CELSR2: variants seen among roughly 807,000 people sequenced by gnomAD.
CELSR2 encodes the protein EGF-like protein 2.
A neutral mutation model predicts 251.6 loss-of-function variants in CELSR2; 81 were observed. That is an observed-to-expected ratio of 0.32 (90% confidence interval 0.27 to 0.39). The LOEUF is 0.39. CELSR2 is among the 10% of genes least tolerant of loss of function. CELSR2 has a pLI of 1.00. For missense variants in CELSR2, 3,365 were observed against 3,947.7 expected (o/e 0.85, Z 3.96); for synonymous variants, 1,721 against 1,670.5 (o/e 1.03, Z -0.74).
rs760071746 is a variant in CELSR2, at chr1:109,269,574, C to T, written c.6963C>T (p.Phe2321=). Reference sequence around the variant, plus strand: ...AGCGGACCAAGCCCATCTGTGTCTTCTGGAACCATTCAATCCTGTGAGCCT... The same window carrying T: ...AGCGGACCAAGCCCATCTGTGTCTTTTGGAACCATTCAATCCTGTGAGCCT... ...TEERTKPICV[F]WNHSILVSGT... The change falls in exon 21 of 34, where the codon TTC becomes TTT. Residue 2321 remains phenylalanine, a synonymous_variant. Coordinates refer to ENST00000271332, the MANE Select transcript of CELSR2 (RefSeq NM_001408.3). This position sits in a 1 kb window ranked among gnomAD's most constrained non-coding sequence, Gnocchi z 6.4. 2 of 1,614,144 alleles carry T rather than the reference C, an allele frequency of 1.2e-6. No individual in the cohort carries two copies. Among genetic ancestry groups the T allele is most frequent in the African/African-American group, 1.3e-5 (1 of 75,068 alleles).
rs200571443 is a variant in CELSR2 at position 109,272,900 on chromosome 1, C to T, written c.8211C>T (p.Thr2737=). The T allele has an allele frequency of 1.2e-4, 189 of 1,613,986 alleles. No homozygotes were observed. The highest frequency in any genetic ancestry group is 1.5e-4 in the Non-Finnish European group (179 of 1,179,980). ...ACCAGAGTGGCTCCTATGCCTCTACCCACTCATCAGACAGTGAGGAGGAAG... is the reference window on the plus strand; with the variant it reads ...ACCAGAGTGGCTCCTATGCCTCTACTCACTCATCAGACAGTGAGGAGGAAG... ...EDDQSGSYAS[T]HSSDSEEEEE... is the part of the protein sequence containing the mutation. The change falls in exon 31 of 34, where the codon ACC becomes ACT. Residue 2737 remains threonine (T), a synonymous_variant. Transcript: ENST00000271332.
Position 109,273,352 on chromosome 1 carries a change from C to G in CELSR2, c.8509+16C>G. The G allele has an allele frequency of 6.2e-7, 1 of 1,601,894 alleles. No individual in the cohort carries two copies. ...CCTCACAAAGGTGAGTGGGGCACCCCCAGCTGCCGAGCTCCCCTAGTCAGC... is the reference window on the plus strand; with the variant it reads ...CCTCACAAAGGTGAGTGGGGCACCCGCAGCTGCCGAGCTCCCCTAGTCAGC... On this transcript the variant is annotated intron_variant, in intron 32 of 33. Coordinates refer to ENST00000271332, the MANE Select transcript of CELSR2 (RefSeq NM_001408.3).
Position 109,270,975 on chromosome 1 carries a change from G to A in CELSR2, c.7532G>A (p.Cys2511Tyr). 3 of 1,613,992 alleles carry A rather than the reference G, an allele frequency of 1.9e-6. No homozygotes were observed. Among genetic ancestry groups the A allele is most frequent in the Non-Finnish European group, 2.5e-6 (3 of 1,179,998 alleles). ...DPEGYGNPDFCWLSIYDTLIW... is the reference protein window; with the variant it reads ...DPEGYGNPDFYWLSIYDTLIW... ...GAGGGCTACGGGAACCCTGACTTCT[G>A]CTGGCTCTCCATCTATGACACGCTC... Residue 2511 changes from cysteine (C) to tyrosine (Y), a missense_variant, in exon 25 of 34, where the codon TGC becomes TAC. Cys to Tyr is a radical substitution (Grantham distance 194, BLOSUM62 -2). Coordinates refer to ENST00000271332, the MANE Select transcript of CELSR2 (RefSeq NM_001408.3).
At chr1:109,259,307 G>C (rs1327133438) in intron 2 of CELSR2, among the ~76,000 whole-genome samples, 1 of 152,252 alleles carries the variant, frequency 6.6e-6, no homozygotes, top group Non-Finnish European at 1.5e-5. Context: ...GTGCCATTGT[G>C]GGCAGAGCTG....
At position 109,270,509 on chromosome 1, in the gene CELSR2, G is replaced by A. The variant is rs1289188258; in HGVS notation, c.7392G>A (p.Leu2464=). 1.2e-6 allele frequency: 2 copies of A among 1,614,190 alleles called. No individual in the cohort carries two copies. Residue 2464 remains leucine, a synonymous_variant, in exon 24 of 34, where the codon CTG becomes CTA. Transcript: ENST00000271332. ...FSWALLEALH[L]YRALTEVRDV... ...GGGCTCTGCTGGAGGCCTTGCACCTGTACCGGGCACTCACTGAGGTGCGCG... is the reference window on the plus strand; with the variant it reads ...GGGCTCTGCTGGAGGCCTTGCACCTATACCGGGCACTCACTGAGGTGCGCG...
chr1:109,271,315 TGCCTGG>T lies in CELSR2; in HGVS notation c.7676+23_7676+28del. On this transcript the variant is annotated intron_variant, in intron 26 of 33. Coordinates refer to ENST00000271332, the MANE Select transcript of CELSR2 (RefSeq NM_001408.3). ...GTCCTGTGTGAGTATAGGGTTGGGG[TGCCTGG>T]GCCATGGGCAGGCACCAGCATGGGA... 6.2e-7 allele frequency: 1 copy of T among 1,613,496 alleles called. No individual in the cohort carries two copies. Among genetic ancestry groups the T allele is most frequent in the Non-Finnish European group, 8.5e-7 (1 of 1,179,900 alleles).
At position 109,253,072 on chromosome 1, in the gene CELSR2, C is replaced by T. The variant is rs1239138722; in HGVS notation, c.2993C>T (p.Ala998Val). Reference sequence around the variant, plus strand: ...CCTGAGTACGTCCTGGTCATCCAGGCCACGTCAGCTCCTCTGGTGAGCCGG... The same window carrying T: ...CCTGAGTACGTCCTGGTCATCCAGGTCACGTCAGCTCCTCTGGTGAGCCGG... ...DRPEYVLVIQATSAPLVSRAT... is the reference protein window; with the variant it reads ...DRPEYVLVIQVTSAPLVSRAT... The change falls in exon 1 of 34, where the codon GCC becomes GTC. Residue 998 changes from alanine to valine, a missense_variant. This residue lies in a region of CELSR2 where 505 missense variants were observed against 660.0 expected (regional missense o/e 0.77). Transcript: ENST00000271332. 2 of 1,613,582 alleles carry T rather than the reference C, an allele frequency of 1.2e-6. No individual in the cohort carries two copies.
Position 109,252,389 on chromosome 1 carries a change from G to A in CELSR2, c.2310G>A (p.Gln770=), listed in dbSNP as rs1478724297. The A allele has an allele frequency of 3.1e-6, 5 of 1,613,048 alleles. No individual in the cohort carries two copies. The highest frequency in any genetic ancestry group is 1.7e-5 in the Admixed American group (1 of 60,004). The part of the protein sequence containing the change: ...IDADTGAVTT[Q]AELDYEDQVS... ...CAGACACGGGGGCTGTCACCACCCAGGCTGAGCTGGACTATGAAGACCAAG... is the reference window on the plus strand; with the variant it reads ...CAGACACGGGGGCTGTCACCACCCAAGCTGAGCTGGACTATGAAGACCAAG... The change falls in exon 1 of 34, where the codon CAG becomes CAA. Residue 770 remains glutamine, a synonymous_variant. Coordinates refer to ENST00000271332, the MANE Select transcript of CELSR2 (RefSeq NM_001408.3). The surrounding 1 kb of genome is among the most constrained non-coding windows in gnomAD (Gnocchi z 4.8).
At position 109,269,192 on chromosome 1, in the gene CELSR2, G is replaced by A. The variant is rs749861436; in HGVS notation, c.6714G>A (p.Pro2238=). Reference sequence around the variant, plus strand: ...TGGCACGGCGACAGCGACGGCACCCGGAGCTGAGCCAGGGTGAGGCTGTGG... The same window carrying A: ...TGGCACGGCGACAGCGACGGCACCCAGAGCTGAGCCAGGGTGAGGCTGTGG... ...EELARRQRRH[P]ELSQGEAVAS... The change falls in exon 20 of 34, where the codon CCG becomes CCA. Residue 2238 remains proline, a synonymous_variant. Transcript: ENST00000271332. The surrounding 1 kb of genome is among the most constrained non-coding windows in gnomAD (Gnocchi z 6.4). 2.1e-5 allele frequency: 34 copies of A among 1,612,608 alleles called. No homozygotes were observed. The highest frequency in any genetic ancestry group is 1.6e-4 in the South Asian group (15 of 91,068).
Position 109,251,618 on chromosome 1 carries a change from T to C in CELSR2, c.1539T>C (p.Thr513=), listed in dbSNP as rs778792462. The C allele has an allele frequency of 6.2e-7, 1 of 1,613,766 alleles. No homozygotes were observed. Among genetic ancestry groups the C allele is most frequent in the South Asian group, 1.1e-5 (1 of 91,070 alleles). ...PIFVSTPFQA[T]VLESVPLGYL... ...TCGTCAGCACCCCTTTCCAGGCTAC[T>C]GTCCTGGAGAGTGTCCCCTTAGGCT... is the stretch of plus-strand genomic sequence containing the variant. The change falls in exon 1 of 34, where the codon ACT becomes ACC. Residue 513 remains threonine, a synonymous_variant. Transcript: ENST00000271332. The surrounding 1 kb of genome is among the most constrained non-coding windows in gnomAD (Gnocchi z 4.9).
In CELSR2 at chr1:109,250,145, G is replaced by C; in HGVS notation, c.66G>C (p.Leu22=). The change falls in exon 1 of 34, where the codon CTG becomes CTC. Residue 22 remains leucine, a synonymous_variant. Coordinates refer to ENST00000271332, the MANE Select transcript of CELSR2 (RefSeq NM_001408.3). The surrounding 1 kb of genome is among the most constrained non-coding windows in gnomAD (Gnocchi z 4.4). ...TPPPPLLLLL[L]LLLPPPLLGD... Reference sequence around the variant, plus strand: ...CGCCGCCGCTGCTGCTGCTGTTGCTGCTGCTGCTGCCGCCGCCACTATTGG... The same window carrying C: ...CGCCGCCGCTGCTGCTGCTGTTGCTCCTGCTGCTGCCGCCGCCACTATTGG... The C allele has an allele frequency of 6.3e-7, 1 of 1,597,320 alleles. No homozygotes were observed. The highest frequency in any genetic ancestry group is 8.5e-7 in the Non-Finnish European group (1 of 1,174,490).
Position 109,258,708 on chromosome 1 carries a change from G to A in CELSR2, c.3587G>A (p.Gly1196Glu), listed in dbSNP as rs1195589533. ...GGCCAGCCGCCAGGGCCCGGGGGCG[G>A]GCCGCCCTTCCTGCCCTCTGAGGAC... ...SVGQPPGPGG[G>E]PPFLPSEDLQ... Residue 1196 changes from glycine to glutamate, a missense_variant, in exon 2 of 34, where the codon GGG (glycine) becomes GAG (glutamate). Gly to Glu is a moderately conservative substitution (Grantham distance 98). Transcript: ENST00000271332. 4 of 1,551,972 alleles carry A rather than the reference G, an allele frequency of 2.6e-6. No individual in the cohort carries two copies. Among genetic ancestry groups the A allele is most frequent in the Non-Finnish European group, 3.5e-6 (4 of 1,147,496 alleles).
Position 109,251,395 on chromosome 1 carries a change from T to C in CELSR2, c.1316T>C (p.Met439Thr), listed in dbSNP as rs1448631658. 1 of 1,613,946 alleles carries C rather than the reference T, an allele frequency of 6.2e-7. No homozygotes were observed. The highest frequency in any genetic ancestry group is 1.3e-5 in the African/African-American group (1 of 74,934). The change falls in exon 1 of 34, where the codon ATG becomes ACG. Residue 439 changes from methionine (M) to threonine (T), a missense_variant. By Grantham distance (81) the Met-to-Thr change is moderately conservative (BLOSUM62 -1). Coordinates refer to ENST00000271332, the MANE Select transcript of CELSR2 (RefSeq NM_001408.3). The surrounding 1 kb of genome is among the most constrained non-coding windows in gnomAD (Gnocchi z 4.9). ...AATGCCGTGGTGCACTATAGCATCA[T>C]GAGTGGCAATGCTCGGGGACAGTTT... Reference protein sequence around the residue: ...GSNAVVHYSIMSGNARGQFYL... With the variant: ...GSNAVVHYSITSGNARGQFYL...
chr1:109,272,598 A>G, intron 29 of CELSR2, 42 bp from the exon 30 acceptor site: 2 of 1,579,664 alleles, frequency 1.3e-6, no homozygotes, highest in Non-Finnish European at 1.7e-6. Flanking sequence ...ACCCTGGGCA[A>G]GGGGCCAGGC....
rs369051823 is a variant in CELSR2 at position 109,258,711 on chromosome 1, C to A, written c.3590C>A (p.Pro1197Gln). 1 of 1,552,814 alleles carries A rather than the reference C, an allele frequency of 6.4e-7. No homozygotes were observed. Among genetic ancestry groups the A allele is most frequent in the South Asian group, 1.2e-5 (1 of 84,700 alleles). ...VGQPPGPGGGPPFLPSEDLQE... is the reference protein window; with the variant it reads ...VGQPPGPGGGQPFLPSEDLQE... ...CAGCCGCCAGGGCCCGGGGGCGGGC[C>A]GCCCTTCCTGCCCTCTGAGGACCTG... The change falls in exon 2 of 34, where the codon CCG becomes CAG. Residue 1197 changes from proline to glutamine, a missense_variant. By Grantham distance (76) the Pro-to-Gln change is moderately conservative. Coordinates refer to ENST00000271332, the MANE Select transcript of CELSR2 (RefSeq NM_001408.3).
Position 109,253,110 on chromosome 1 carries a change from G to A in CELSR2, c.3031G>A (p.Val1011Ile), listed in dbSNP as rs771337363. The A allele has an allele frequency of 9.2e-5, 149 of 1,613,674 alleles. No individual in the cohort carries two copies. Among genetic ancestry groups the A allele is most frequent in the Non-Finnish European group, 1.2e-4 (141 of 1,180,046 alleles). ...APLVSRATVHVRLLDRNDNPP... is the reference protein window; with the variant it reads ...APLVSRATVHIRLLDRNDNPP... ...TCTGGTGAGCCGGGCTACAGTCCACGTCCGCCTCCTTGACCGCAATGACAA... is the reference window on the plus strand; with the variant it reads ...TCTGGTGAGCCGGGCTACAGTCCACATCCGCCTCCTTGACCGCAATGACAA... The change falls in exon 1 of 34, where the codon GTC becomes ATC. Residue 1011 changes from valine (V) to isoleucine (I), a missense_variant. Physicochemically the swap from Val to Ile is conservative, Grantham distance 29. Coordinates refer to ENST00000271332, the MANE Select transcript of CELSR2 (RefSeq NM_001408.3).
chr1:109,273,608 G>A lies in CELSR2; in HGVS notation c.8682G>A (p.Gly2894=), dbSNP rs372649816. The A allele has an allele frequency of 3.9e-5, 60 of 1,540,974 alleles. No homozygotes were observed. In the African/African-American group the frequency reaches 7.9e-4, roughly 20 times the overall value. The change falls in exon 33 of 34, where the codon GGG becomes GGA. Residue 2894 remains glycine, a synonymous_variant. Coordinates refer to ENST00000271332, the MANE Select transcript of CELSR2 (RefSeq NM_001408.3). ...AGAGCCTCCAGGAGCAGCTGAACGGGGTCATGCCCATCGCCATGAGCATCA... is the reference window on the plus strand; with the variant it reads ...AGAGCCTCCAGGAGCAGCTGAACGGAGTCATGCCCATCGCCATGAGCATCA... ...PRQSLQEQLN[G]VMPIAMSIKA...
In CELSR2 at chr1:109,261,130, C is replaced by A. The variant is rs751361900; in HGVS notation, c.4047C>A (p.Gly1349=). The part of the protein sequence containing the change: ...NGGTCVNLLV[G]GFKCDCPSGD... The stretch of plus-strand genomic sequence containing the variant: ...GCACCTGTGTCAACCTGCTGGTGGG[C>A]GGTTTCAAGTGCGATTGCCCATCTG... Residue 1349 remains glycine (G), a synonymous_variant, in exon 3 of 34, where the codon GGC becomes GGA. Coordinates refer to ENST00000271332, the MANE Select transcript of CELSR2 (RefSeq NM_001408.3). This position sits in a 1 kb window ranked among gnomAD's most constrained non-coding sequence, Gnocchi z 4.8. 1 of 1,614,076 alleles carries A rather than the reference C, an allele frequency of 6.2e-7. No individual in the cohort carries two copies. Among genetic ancestry groups the A allele is most frequent in the Admixed American group, 1.7e-5 (1 of 60,012 alleles).
Position 109,253,352 on chromosome 1 carries a change from C to T in CELSR2, c.3273C>T (p.Asn1091=), listed in dbSNP as rs111462463. ...AGCTAAGCCGCGCACTGGACAACAACCGGCCTCTGGAGGCCATCATGAGCG... is the reference window on the plus strand; with the variant it reads ...AGCTAAGCCGCGCACTGGACAACAATCGGCCTCTGGAGGCCATCATGAGCG... The part of the protein sequence containing the change: ...ELKLSRALDN[N]RPLEAIMSVL... The change falls in exon 1 of 34, where the codon AAC becomes AAT. Residue 1091 remains asparagine (N), a synonymous_variant. Transcript: ENST00000271332. 1.5e-3 allele frequency: 2,369 copies of T among 1,613,234 alleles called. 24 individuals carry two copies. The African/African-American group carries it at 0.028, about 19-fold the overall frequency.
Sources: allele counts gnomAD v4.1 joint callset (sites outside exome capture counted in the v4.1 genomes callset), GRCh38; gene constraint gnomAD v4.1.1; regional missense constraint gnomAD v4.1.1; non-coding constraint Gnocchi (gnomAD v3.1); transcripts MANE v1.5; gene names NCBI Gene and HGNC (gene_info 2026-07-23, HGNC 2026-07-21).